FER1L6: variants seen among roughly 807,000 people sequenced by gnomAD.
FER1L6 encodes fer-1 like family member 6.
Under a neutral mutation model 219.2 loss-of-function variants are expected in FER1L6, and 177 were observed. The ratio of observed to expected loss-of-function variants is 0.81; its 90% CI spans 0.71 to 0.91. The LOEUF (loss-of-function observed/expected upper bound fraction) is 0.91. FER1L6 is among the 40% of genes least tolerant of loss of function. The pLI, the probability that FER1L6 is intolerant of heterozygous loss-of-function variation, is 0.00. For synonymous variants in FER1L6, 768 were observed against 824.3 expected (o/e 0.93, Z 1.17); for missense variants, 2,153 against 2,259.9 (o/e 0.95, Z 0.96).
chr8:124,036,362 C>A (rs926611428), intron 19 of FER1L6: 1 of 152,142 alleles, frequency 6.6e-6, no homozygotes, highest in African/African-American at 2.4e-5. Context: ...CATATAAATG[C>A]GTAAGAGCAT....
intron 1 of FER1L6, among the ~76,000 whole-genome samples, chr8:123,898,749 CT>C (rs1321719118): frequency 7.3e-5 from 9 of 123,808 alleles, no homozygotes; most frequent in East Asian, 2.2e-4. Context: ...TACATATATA[CT>C]ATATATACAC....
At chr8:123,985,785 C>A in intron 11 of FER1L6, 1 of 278,692 alleles carries the variant, frequency 3.6e-6, no homozygotes, top group African/African-American at 2.2e-5. Flanking sequence ...TAGAAAGATA[C>A]GCACACCAAG....
chr8:124,060,106 T>G (rs1233305441), intron 22 of FER1L6, 74 bp from the exon 23 acceptor site: 142 of 1,036,834 alleles, frequency 1.4e-4, no homozygotes, highest in Non-Finnish European at 2.1e-4. Flanking sequence ...ATCTTACTGA[T>G]GAGGTGGTTG....
rs200948208 is a variant in FER1L6 at position 124,070,564 on chromosome 8, G to T, written c.3932G>T (p.Gly1311Val). The change falls in exon 30 of 41, where the codon GGT becomes GTT. Residue 1311 changes from glycine (G) to valine (V), a missense_variant. Transcript: ENST00000522917. Reference protein sequence around the residue: ...FRGKSTEDDHGLDGDRVIGKF... With the variant: ...FRGKSTEDDHVLDGDRVIGKF... ...GGCAAGTCTACGGAAGATGACCATG[G>T]TCTTGATGGAGACCGAGTCATAGGA... 9.3e-5 allele frequency: 149 copies of T among 1,602,406 alleles called. No individual in the cohort carries two copies. The highest frequency in any genetic ancestry group is 8.8e-5 in the Admixed American group (5 of 56,952).
intron 3 of FER1L6, among the ~76,000 whole-genome samples, chr8:123,965,789 A>G (rs540238682): frequency 4.6e-5 from 7 of 152,354 alleles, no homozygotes; most frequent in African/African-American, 1.7e-4. Flanking sequence ...ATTTAATTCT[A>G]GCAATCATCT....
chr8:124,085,486 C>T (rs181385046), intron 33 of FER1L6, among the ~76,000 whole-genome samples: 2 of 151,822 alleles, frequency 1.3e-5, no homozygotes, highest in African/African-American at 4.8e-5. Flanking sequence ...GTCCCACTGG[C>T]CATTCAGGAG....
intron 34 of FER1L6, among the ~76,000 whole-genome samples, chr8:124,094,635 G>A (rs1341861303): frequency 2.0e-5 from 3 of 151,854 alleles, no homozygotes; most frequent in African/African-American, 7.3e-5. Flanking sequence ...ACAGGCACCC[G>A]CCACCACACC....
chr8:124,019,741 G>A (rs1277676135), intron 16 of FER1L6, among the ~76,000 whole-genome samples: 2 of 152,180 alleles, frequency 1.3e-5, no homozygotes, highest in East Asian at 3.9e-4. Context: ...TCCTACTGAA[G>A]TTTACACATT....
intron 1 of FER1L6, among the ~76,000 whole-genome samples, chr8:123,883,096 C>T (rs1055401524): frequency 2.0e-5 from 3 of 152,098 alleles, no homozygotes; most frequent in Admixed American, 1.3e-4. Context: ...CAAAAAAACC[C>T]TTAAAAAGCC....
intron 39 of FER1L6, 132 bp downstream of exon 39, chr8:124,103,441 A>G (rs1822630244): frequency 2.4e-6 from 2 of 818,406 alleles, no homozygotes; most frequent in Non-Finnish European, 3.8e-6. Context: ...AGGTTCTGCT[A>G]AGAAGCAAGA....
At position 124,023,473 on chromosome 8, in the gene FER1L6, C is replaced by G. The variant is rs756209702; in HGVS notation, c.2163C>G (p.Ile721Met). The G allele has an allele frequency of 5.6e-6, 9 of 1,614,192 alleles. No individual in the cohort carries two copies. The highest frequency in any genetic ancestry group is 7.6e-6 in the Non-Finnish European group (9 of 1,180,016). Residue 721 changes from isoleucine (I) to methionine (M), a missense_variant, in exon 18 of 41, where the codon ATC (isoleucine) becomes ATG (methionine). Coordinates refer to ENST00000522917, the MANE Select transcript of FER1L6 (RefSeq NM_001039112.2). Reference protein sequence around the residue: ...EPQHTIPDVFIWMLSNNRRVA... With the variant: ...EPQHTIPDVFMWMLSNNRRVA... The stretch of plus-strand genomic sequence containing the variant: ...AGCACACTATCCCTGACGTTTTCAT[C>G]TGGATGCTCAGCAACAACAGGAGAG...
intron 33 of FER1L6, among the ~76,000 whole-genome samples, chr8:124,089,818 T>G (rs1159729906): frequency 6.6e-6 from 1 of 152,212 alleles, no homozygotes; most frequent in Non-Finnish European, 1.5e-5. Context: ...CCACGCAGTT[T>G]TGTAACCTGC....
rs890753456 is a variant in FER1L6, at chr8:124,035,538, GT to G, written c.2464+90del. The stretch of plus-strand genomic sequence containing the variant: ...ATAATAAGGAGGGCAGCATGCATGA[GT>G]TTTTTGCACATTATTTTAGGGCCAA... On this transcript the variant is annotated intron_variant, in intron 19 of 40. Transcript: ENST00000522917. 4 of 1,376,780 alleles carry G rather than the reference GT, an allele frequency of 2.9e-6. No homozygotes were observed. In the African/African-American group the frequency reaches 5.8e-5, roughly 20 times the overall value. 85.3% of individuals were successfully genotyped at this position (1,376,780 alleles called of 1,614,324 possible). A position where few individuals can be genotyped will look rare whatever the true frequency, so the allele number is the denominator to read the frequency against.
chr8:123,895,247 C>G (rs1208011619), intron 1 of FER1L6, among the ~76,000 whole-genome samples: 3 of 152,126 alleles, frequency 2.0e-5, no homozygotes, highest in Non-Finnish European at 4.4e-5. Context: ...GCATGAAAGT[C>G]AAGGACAGGA....
intron 1 of FER1L6, among the ~76,000 whole-genome samples, chr8:123,908,625 C>G (rs1812999834): frequency 2.0e-5 from 3 of 152,072 alleles, no homozygotes; most frequent in Admixed American, 2.0e-4. Flanking sequence ...GTGATATTTA[C>G]TAAGTGTAAG....
In FER1L6 at chr8:123,865,355, C is replaced by T. The variant is rs1332779114; in HGVS notation, c.-8+13170C>T. Among the ~76,000 whole-genome samples the T allele has an allele frequency of 1.5e-4, 22 of 149,850 alleles. 1 individual carries two copies. Among genetic ancestry groups the T allele is most frequent in the African/African-American group, 5.0e-4 (20 of 39,620 alleles). On this transcript the variant is annotated intron_variant, in intron 1 of 40. Coordinates refer to ENST00000522917, the MANE Select transcript of FER1L6 (RefSeq NM_001039112.2). ...CTGCCCGTTCTCAGATCTCCAGCTG[C>T]GTGCTGGGAGAACCACTGCTCTCTT...
intron 1 of FER1L6, among the ~76,000 whole-genome samples, chr8:123,948,098 C>T (rs981773354): frequency 1.3e-5 from 2 of 152,146 alleles, no homozygotes; most frequent in African/African-American, 4.8e-5. Context: ...ATTTAATTAA[C>T]GTGTAGGATA....
intron 33 of FER1L6, among the ~76,000 whole-genome samples, chr8:124,087,212 C>T (rs1821821915): frequency 6.6e-6 from 1 of 152,084 alleles, no homozygotes; most frequent in African/African-American, 2.4e-5. Context: ...GCCAGTAACT[C>T]TTAGATTTGC....
chr8:124,112,414 G>T (rs963770974), intron 39 of FER1L6, among the ~76,000 whole-genome samples: 4 of 152,196 alleles, frequency 2.6e-5, no homozygotes, highest in African/African-American at 9.7e-5. Context: ...GATTGCTGAG[G>T]AATGGGGACC....
Sources: allele counts gnomAD v4.1 joint callset (sites outside exome capture counted in the v4.1 genomes callset), GRCh38; gene constraint gnomAD v4.1.1; transcripts MANE v1.5; gene names NCBI Gene and HGNC (gene_info 2026-07-23, HGNC 2026-07-21).